Variants in HIVEP2 observed in about 807,000 individuals in gnomAD.
HIVEP2 encodes the protein transcription factor HIVEP2.
A neutral mutation model predicts 180.7 loss-of-function variants in HIVEP2; 14 were observed. That is an observed-to-expected ratio of 0.08 (90% CI 0.05 to 0.12). HIVEP2 has a LOEUF of 0.12. Ranked by LOEUF, HIVEP2 falls within the 10% of genes least tolerant of loss-of-function variation. The probability of loss-of-function intolerance (pLI) is 1.00; values close to 1 mark genes in which losing one functional copy is unlikely to be tolerated. For synonymous variants in HIVEP2, 1,184 were observed against 1,136.4 expected (o/e 1.04, Z -0.84); for missense variants, 2,579 against 3,008.5 (o/e 0.86, Z 3.34).
intron 1 of HIVEP2, among the ~76,000 whole-genome samples, chr6:142,940,497 G>A (rs1778150584): frequency 6.6e-6 from 1 of 152,186 alleles, no homozygotes; most frequent in African/African-American, 2.4e-5. Flanking sequence ...ATGATCATTT[G>A]GAGGGTCATG....
chr6:142,817,336 C>T (rs1034997806), intron 2 of HIVEP2, among the ~76,000 whole-genome samples: 3 of 152,210 alleles, frequency 2.0e-5, no homozygotes, highest in Non-Finnish European at 4.4e-5. Flanking sequence ...TGTTCTCTCA[C>T]TAAATTTCAC....
rs537107324 is a variant in HIVEP2 at position 142,760,147 on chromosome 6, A to G, written c.6141T>C (p.Ser2047=). ...GACAGGGTGAAGAATCATATCCTGG[A>G]GAGGAATGGTGGCTTGAGGGTGAGA... ...RDFSPSSHHS[S]PGYDSSPCRD... is the part of the protein sequence containing the mutation. Residue 2047 remains serine, a synonymous_variant, in exon 9 of 10, where the codon TCT becomes TCC. Transcript: ENST00000367603. 2.5e-6 allele frequency: 4 copies of G among 1,614,124 alleles called. No homozygotes were observed. The Admixed American group carries it at 6.7e-5, about 27-fold the overall frequency.
At chr6:142,800,229 A>G (rs1314143347) in intron 2 of HIVEP2, among the ~76,000 whole-genome samples, 1 of 152,188 alleles carries the variant, frequency 6.6e-6, no homozygotes, top group Non-Finnish European at 1.5e-5. Flanking sequence ...GCTGAAGTGC[A>G]TGTCTACTAC....
intron 1 of HIVEP2, among the ~76,000 whole-genome samples, chr6:142,874,779 C>G (rs2128413337): frequency 6.6e-6 from 1 of 152,108 alleles, no homozygotes; most frequent in East Asian, 1.9e-4. Flanking sequence ...TTAAGGAGGT[C>G]AACTGGACTG....
intron 7 of HIVEP2, 150 bp downstream of exon 7, chr6:142,764,649 C>G: frequency 1.5e-6 from 1 of 674,700 alleles, no homozygotes; most frequent in Non-Finnish European, 2.5e-6. Flanking sequence ...CCTTTGATCA[C>G]TTACTTGAGG....
Position 142,866,797 on chromosome 6 carries a change from G to A in HIVEP2, c.-640-29750C>T, listed in dbSNP as rs1023728375. ...TCAGGATTTCATTTTACTCTAATGG[G>A]GTGAAAGTGCAATGAGCCTCAGGCC... On this transcript the variant is annotated intron_variant, in intron 1 of 9. Transcript: ENST00000367603. Among the ~76,000 whole-genome samples the A allele has an allele frequency of 2.0e-5, 3 of 152,036 alleles. No homozygotes were observed. The East Asian group carries it at 5.8e-4, about 29-fold the overall frequency.
chr6:142,882,010 A>C (rs1776583969), intron 1 of HIVEP2, among the ~76,000 whole-genome samples: 1 of 152,240 alleles, frequency 6.6e-6, no homozygotes, highest in Admixed American at 6.5e-5. Context: ...TACCATTATC[A>C]GGGCTGCAGG....
intron 2 of HIVEP2, among the ~76,000 whole-genome samples, chr6:142,833,942 T>A (rs1426500513): frequency 3.9e-5 from 6 of 152,172 alleles, no homozygotes. Flanking sequence ...CTTGTATGCA[T>A]CTGAAGAGCT....
chr6:142,772,622 T>G lies in HIVEP2; in HGVS notation c.2117A>C (p.Glu706Ala), dbSNP rs1199202786. 6.2e-7 allele frequency: 1 copy of G among 1,614,082 alleles called. No individual in the cohort carries two copies. The highest frequency in any genetic ancestry group is 1.6e-4 in the Middle Eastern group (1 of 6,084). The stretch of plus-strand genomic sequence containing the variant: ...GCTGCAGATCATGGGCGTGTCCTCT[T>G]CATCCCCTACGCTCTTCTCTTTCCG... ...KRRKEKSVGD[E>A]EDTPMICSSI... Residue 706 changes from glutamate (E) to alanine (A), a missense_variant, in exon 5 of 10, where the codon GAA becomes GCA. By Grantham distance (107) the Glu-to-Ala change is moderately radical (BLOSUM62 -1). Coordinates refer to ENST00000367603, the MANE Select transcript of HIVEP2 (RefSeq NM_006734.4). This position sits in a 1 kb window ranked among gnomAD's most constrained non-coding sequence, Gnocchi z 4.9.
Position 142,772,013 on chromosome 6 carries a change from T to C in HIVEP2, c.2726A>G (p.Lys909Arg), listed in dbSNP as rs1184631997. 6.2e-7 allele frequency: 1 copy of C among 1,614,100 alleles called. No homozygotes were observed. The highest frequency in any genetic ancestry group is 8.5e-7 in the Non-Finnish European group (1 of 1,180,046). The change falls in exon 5 of 10, where the codon AAA becomes AGA. Residue 909 changes from lysine to arginine, a missense_variant. Physicochemically the swap from Lys to Arg is conservative, Grantham distance 26. Transcript: ENST00000367603. This position sits in a 1 kb window ranked among gnomAD's most constrained non-coding sequence, Gnocchi z 4.9. Reference sequence around the variant, plus strand: ...TTCTTCCACAGGCTTCTCTGGCTCTTTGCTCTGGGCTTCCTTCTCCTTCTC... The same window carrying C: ...TTCTTCCACAGGCTTCTCTGGCTCTCTGCTCTGGGCTTCCTTCTCCTTCTC... ...KPEKEKEAQS[K>R]EPEKPVEEFQ... is the part of the protein sequence containing the mutation.
chr6:142,769,527 T>G, intron 5 of HIVEP2, 25 bp downstream of exon 5: 2 of 1,598,416 alleles, frequency 1.3e-6, no homozygotes, highest in Non-Finnish European at 1.7e-6. Context: ...CAATACAAAG[T>G]TCTTCCTAAA....
intron 2 of HIVEP2, among the ~76,000 whole-genome samples, chr6:142,785,545 C>A (rs1313656176): frequency 6.6e-6 from 1 of 152,000 alleles, no homozygotes; most frequent in Non-Finnish European, 1.5e-5. Flanking sequence ...TTCAGTAGGC[C>A]AGCACCAACC....
intron 2 of HIVEP2, among the ~76,000 whole-genome samples, chr6:142,832,107 G>A (rs886196129): frequency 5.3e-5 from 8 of 151,056 alleles, no homozygotes; most frequent in Non-Finnish European, 7.4e-5. Context: ...CAGGAGAATC[G>A]CTTGAACCCA....
intron 3 of HIVEP2, among the ~76,000 whole-genome samples, chr6:142,781,706 C>T (rs1421485272): frequency 6.6e-6 from 1 of 152,094 alleles, no homozygotes; most frequent in Non-Finnish European, 1.5e-5. Flanking sequence ...TAGAAGTGTG[C>T]CCTCTCCTTT....
intron 1 of HIVEP2, among the ~76,000 whole-genome samples, chr6:142,916,219 A>G (rs1582964031): frequency 1.3e-5 from 2 of 152,206 alleles, no homozygotes; most frequent in African/African-American, 4.8e-5. Context: ...TCTAGATCCA[A>G]TCTTGCCACC....
chr6:142,830,382 A>C (rs1481405144), intron 2 of HIVEP2, among the ~76,000 whole-genome samples: 1 of 152,162 alleles, frequency 6.6e-6, no homozygotes, highest in Admixed American at 6.5e-5. Flanking sequence ...TCCTCAAAAG[A>C]AAAAGATAGC....
At chr6:142,868,391 C>G (rs1776198054) in intron 1 of HIVEP2, among the ~76,000 whole-genome samples, 1 of 152,146 alleles carries the variant, frequency 6.6e-6, no homozygotes, top group African/African-American at 2.4e-5. Context: ...TTTTAAAGAG[C>G]AATCACTTAA....
At chr6:142,821,758 C>T (rs1472772282) in intron 2 of HIVEP2, among the ~76,000 whole-genome samples, 1 of 152,162 alleles carries the variant, frequency 6.6e-6, no homozygotes, top group African/African-American at 2.4e-5. Flanking sequence ...TTGCTTGAAA[C>T]ACCACCACCA....
chr6:142,850,270 A>T (rs1169412465), intron 1 of HIVEP2, among the ~76,000 whole-genome samples: 1 of 152,208 alleles, frequency 6.6e-6, no homozygotes, highest in Non-Finnish European at 1.5e-5. Flanking sequence ...ACAATATTTT[A>T]CTGGATTAAA....
Sources: allele counts gnomAD v4.1 joint callset (sites outside exome capture counted in the v4.1 genomes callset), GRCh38; gene constraint gnomAD v4.1.1; non-coding constraint Gnocchi (gnomAD v3.1); transcripts MANE v1.5; gene names NCBI Gene and HGNC (gene_info 2026-07-23, HGNC 2026-07-21).